SNCAIP: variants seen among roughly 807,000 people sequenced by gnomAD.
SNCAIP encodes the protein synuclein alpha interacting protein, also known as synphilin-1.
SNCAIP carries 43 observed loss-of-function variants against 86.7 expected under a neutral mutation model. The observed-to-expected ratio is 0.50, with a 90% CI of 0.39 to 0.64. The LOEUF (loss-of-function observed/expected upper bound fraction) is 0.64, where lower values mean the gene tolerates loss of function less well. Among genes scored for constraint, SNCAIP ranks in the 30% least tolerant of loss-of-function variants. The pLI is 0.00. For missense variants in SNCAIP, 981 were observed against 1,103.1 expected (o/e 0.89, Z 1.57); for synonymous variants, 417 against 427.2 (o/e 0.98, Z 0.29).
At chr5:122,353,630 A>G (rs1304511024) in intron 1 of SNCAIP, among the ~76,000 whole-genome samples, 1 of 152,064 alleles carries the variant, frequency 6.6e-6, no homozygotes, top group Non-Finnish European at 1.5e-5. Flanking sequence ...AATAAGTCTC[A>G]CAAGATCTGA....
chr5:122,438,509 T>G (rs572446456), intron 6 of SNCAIP, among the ~76,000 whole-genome samples: 1 of 152,348 alleles, frequency 6.6e-6, no homozygotes, highest in South Asian at 2.1e-4. Flanking sequence ...TACTTGTTTG[T>G]ATTAGTCTTT....
intron 6 of SNCAIP, among the ~76,000 whole-genome samples, chr5:122,439,830 TC>T (rs1229658038): frequency 1.3e-5 from 2 of 152,108 alleles, no homozygotes; most frequent in Non-Finnish European, 2.9e-5. Flanking sequence ...TGAAATCCCA[TC>T]CCCCTGCTTT....
At chr5:122,345,164 G>T (rs116827139) in intron 1 of SNCAIP, among the ~76,000 whole-genome samples, 61 of 152,212 alleles carry the variant, frequency 4.0e-4, no homozygotes, top group African/African-American at 1.4e-3. Flanking sequence ...GAATTCACTA[G>T]TATTGTCAAC....
At chr5:122,340,663 A>T (rs1757383327) in intron 1 of SNCAIP, among the ~76,000 whole-genome samples, 1 of 152,212 alleles carries the variant, frequency 6.6e-6, no homozygotes, top group Non-Finnish European at 1.5e-5. Context: ...CAGCATTGAC[A>T]TTGCATACTA....
intron 1 of SNCAIP, among the ~76,000 whole-genome samples, chr5:122,343,987 A>G (rs1007214456): frequency 2.0e-5 from 3 of 152,062 alleles, no homozygotes; most frequent in African/African-American, 7.2e-5. Context: ...TCTTTTTTTC[A>G]GATACTTCTG....
rs775708743 is a variant in SNCAIP, at chr5:122,423,176, G to A, written c.439G>A (p.Asp147Asn). 3.1e-6 allele frequency: 5 copies of A among 1,614,056 alleles called. No homozygotes were observed. The highest frequency in any genetic ancestry group is 2.2e-5 in the South Asian group (2 of 91,082). Reference sequence around the variant, plus strand: ...ATCGCTGGGTGAACTGGAGCACTACGACCTCGACATGGATGAGATTCTGGA... The same window carrying A: ...ATCGCTGGGTGAACTGGAGCACTACAACCTCGACATGGATGAGATTCTGGA... ...STSLGELEHY[D>N]LDMDEILDVP... The change falls in exon 4 of 11, where the codon GAC becomes AAC. Residue 147 changes from aspartate (D) to asparagine (N), a missense_variant. Coordinates refer to ENST00000261368, the MANE Select transcript of SNCAIP (RefSeq NM_005460.4).
chr5:122,355,176 C>G (rs1258192720), intron 1 of SNCAIP, among the ~76,000 whole-genome samples: 1 of 152,138 alleles, frequency 6.6e-6, no homozygotes, highest in African/African-American at 2.4e-5. Context: ...TAAACAAACA[C>G]ATAACAAATT....
chr5:122,346,120 A>G (rs905670129), intron 1 of SNCAIP, among the ~76,000 whole-genome samples: 1 of 152,176 alleles, frequency 6.6e-6, no homozygotes, highest in Non-Finnish European at 1.5e-5. Context: ...TGCAAAACAT[A>G]TAATAGGTGA....
At chr5:122,463,028 C>T (rs887275146) in intron 10 of SNCAIP, among the ~76,000 whole-genome samples, 1 of 152,194 alleles carries the variant, frequency 6.6e-6, no homozygotes, top group South Asian at 2.1e-4. Context: ...GATCTTTCAA[C>T]ATGCTATTAC....
At chr5:122,344,410 TAATC>T (rs1156799455) in intron 1 of SNCAIP, among the ~76,000 whole-genome samples, 2 of 152,224 alleles carry the variant, frequency 1.3e-5, no homozygotes, top group African/African-American at 2.4e-5. Flanking sequence ...TATAATTAAT[TAATC>T]AATCCATAAT....
chr5:122,344,806 A>G (rs1416061463), intron 1 of SNCAIP, among the ~76,000 whole-genome samples: 1 of 152,216 alleles, frequency 6.6e-6, no homozygotes, highest in Non-Finnish European at 1.5e-5. Flanking sequence ...TTCTTGATTT[A>G]TACTTATTTT....
chr5:122,379,783 A>C (rs1269146113), intron 1 of SNCAIP, among the ~76,000 whole-genome samples: 36 of 147,494 alleles, frequency 2.4e-4, no homozygotes, highest in African/African-American at 8.9e-4. Context: ...CTTTTTCTGC[A>C]TCTATTGAGA....
At chr5:122,320,537 AATTT>A (rs1237375904) in intron 1 of SNCAIP, among the ~76,000 whole-genome samples, 1 of 152,176 alleles carries the variant, frequency 6.6e-6, no homozygotes, top group Non-Finnish European at 1.5e-5. Flanking sequence ...AAGTATCAAG[AATTT>A]ATTCTATTCA....
At position 122,423,548 on chromosome 5, in the gene SNCAIP, G is replaced by T. The variant is rs745328977; in HGVS notation, c.811G>T (p.Val271Phe). 12 of 1,614,072 alleles carry T rather than the reference G, an allele frequency of 7.4e-6. No individual in the cohort carries two copies. The Admixed American group carries it at 1.0e-4, about 13-fold the overall frequency. ...ATTTAGTGATCCTCATGGTCGAAAAGTTGAGAAGACAACACCAGACTGCCA... is the reference window on the plus strand; with the variant it reads ...ATTTAGTGATCCTCATGGTCGAAAATTTGAGAAGACAACACCAGACTGCCA... Reference protein sequence around the residue: ...KTFSDPHGRKVEKTTPDCQLR... With the variant: ...KTFSDPHGRKFEKTTPDCQLR... Residue 271 changes from valine to phenylalanine, a missense_variant, in exon 4 of 11, where the codon GTT becomes TTT. Coordinates refer to ENST00000261368, the MANE Select transcript of SNCAIP (RefSeq NM_005460.4).
At chr5:122,347,518 A>T (rs1243766120) in intron 1 of SNCAIP, among the ~76,000 whole-genome samples, 1 of 151,804 alleles carries the variant, frequency 6.6e-6, no homozygotes, top group Non-Finnish European at 1.5e-5. Context: ...ACAGCATGCT[A>T]AAATCATAAG....
At chr5:122,330,113 A>ATTTTTTTTTTTTTTTT (rs1387266417) in intron 1 of SNCAIP, among the ~76,000 whole-genome samples, 1 of 120,360 alleles carries the variant, frequency 8.3e-6, no homozygotes, top group South Asian at 2.7e-4. Context: ...GTACAACTTC[A>ATTTTTTTTTTTTTTTT]TTTCTTTTTT....
intron 1 of SNCAIP, among the ~76,000 whole-genome samples, chr5:122,315,279 C>T (rs1266234538): frequency 2.0e-5 from 3 of 152,148 alleles, no homozygotes; most frequent in African/African-American, 7.2e-5. Flanking sequence ...GACTGTTGGC[C>T]AGGGTAACAT....
At chr5:122,386,674 C>T (rs564449405) in intron 1 of SNCAIP, among the ~76,000 whole-genome samples, 4 of 152,260 alleles carry the variant, frequency 2.6e-5, no homozygotes, top group South Asian at 2.1e-4. Flanking sequence ...TCTCAGCAGC[C>T]GAGCCCTGTG....
At chr5:122,330,288 A>C (rs1465541461) in intron 1 of SNCAIP, among the ~76,000 whole-genome samples, 2 of 151,062 alleles carry the variant, frequency 1.3e-5, no homozygotes, top group East Asian at 3.9e-4. Flanking sequence ...CGCCCGGCTA[A>C]TTTTTTGTAT....
Sources: gnomAD v4.1 joint callset for allele counts (sites outside exome capture counted in the v4.1 genomes callset) on GRCh38, gnomAD v4.1.1 for gene constraint, MANE v1.5 for transcripts, NCBI Gene and HGNC (gene_info 2026-07-23, HGNC 2026-07-21) for gene names.